Variants in TM9SF4 observed in about 807,000 individuals in gnomAD.
TM9SF4 encodes transmembrane 9 superfamily member 4, also known as dinucleotide oxidase disulfide thiol exchanger 3 superfamily member 4.
In TM9SF4, 26 loss-of-function variants were observed where a neutral mutation model predicts 90.4. That is an observed-to-expected ratio of 0.29 (90% CI 0.21 to 0.40). The LOEUF is 0.40. TM9SF4 is among the 10% of genes least tolerant of loss of function. The pLI, the probability that TM9SF4 is intolerant of heterozygous loss-of-function variation, is 1.00. For synonymous variants in TM9SF4, 293 were observed against 315.4 expected (o/e 0.93, Z 0.75); for missense variants, 549 against 834.8 (o/e 0.66, Z 4.22).
chr20:32,123,845 C>CATATATATATATATATATATATATAT (rs778502518), intron 1 of TM9SF4, among the ~76,000 whole-genome samples: 6 of 108,730 alleles, frequency 5.5e-5, no homozygotes, highest in African/African-American at 1.9e-4. Flanking sequence ...TTCTCTCTCT[C>CATATATATATATATATATATATATAT]ATATATATAT....
chr20:32,121,636 C>T (rs990593217), intron 1 of TM9SF4, among the ~76,000 whole-genome samples: 3 of 152,278 alleles, frequency 2.0e-5, no homozygotes, highest in African/African-American at 4.8e-5. Context: ...TCCGATTTCT[C>T]GATCCCTTCC....
intron 12 of TM9SF4, among the ~76,000 whole-genome samples, chr20:32,152,796 C>T (rs868420430): frequency 3.3e-5 from 5 of 152,368 alleles, no homozygotes; most frequent in African/African-American, 1.2e-4. Context: ...CCGCCTCCCC[C>T]ACCTCCTACC....
chr20:32,137,730 T>C (rs2046614602), intron 3 of TM9SF4, among the ~76,000 whole-genome samples: 1 of 152,192 alleles, frequency 6.6e-6, no homozygotes, highest in African/African-American at 2.4e-5. Context: ...ATCATCCTCA[T>C]CATCATCATT....
intron 1 of TM9SF4, among the ~76,000 whole-genome samples, chr20:32,110,987 C>T (rs1039390633): frequency 6.6e-6 from 1 of 152,236 alleles, no homozygotes; most frequent in Non-Finnish European, 1.5e-5. Flanking sequence ...AAGGAAATGA[C>T]ATTTGACTTT....
At chr20:32,126,101 A>ACACACACG in intron 1 of TM9SF4, among the ~76,000 whole-genome samples, 1 of 145,130 alleles carries the variant, frequency 6.9e-6, no homozygotes, top group South Asian at 2.1e-4. Flanking sequence ...ACACACACAC[A>ACACACACG]CACACAGTAG....
At chr20:32,112,939 A>G (rs1181707081) in intron 1 of TM9SF4, among the ~76,000 whole-genome samples, 4 of 152,314 alleles carry the variant, frequency 2.6e-5, no homozygotes, top group African/African-American at 9.6e-5. Context: ...GGGGTATGTG[A>G]TGAAGGGGCA....
At chr20:32,146,652 C>T in intron 8 of TM9SF4, 133 bp from the exon 9 acceptor site, 2 of 753,802 alleles carry the variant, frequency 2.7e-6, no homozygotes, top group Non-Finnish European at 4.3e-6. Context: ...GAGGTGGCTG[C>T]ATAGCCAGTT....
At chr20:32,157,730 C>G (rs777684929) in intron 13 of TM9SF4, 64 bp from the exon 14 acceptor site, 1 of 1,584,524 alleles carries the variant, frequency 6.3e-7, no homozygotes, top group South Asian at 1.2e-5. Flanking sequence ...GTCCCCTCCC[C>G]CTTGCGCAGC....
intron 1 of TM9SF4, among the ~76,000 whole-genome samples, chr20:32,123,678 T>C (rs556264777): frequency 1.3e-5 from 2 of 151,040 alleles, no homozygotes; most frequent in African/African-American, 4.8e-5. Context: ...TCTTTATACC[T>C]TCTGGATTTT....
Position 32,141,909 on chromosome 20 carries a change from G to A in TM9SF4, c.528+14G>A. The A allele has an allele frequency of 6.2e-7, 1 of 1,613,886 alleles. No individual in the cohort carries two copies. The highest frequency in any genetic ancestry group is 1.1e-5 in the South Asian group (1 of 91,016). On this transcript the variant is annotated intron_variant, in intron 5 of 17. Coordinates refer to ENST00000398022, the MANE Select transcript of TM9SF4 (RefSeq NM_014742.4). ...GATGTCAACAAGGTAGAGTGTCTTT[G>A]GCGTGCTCACAGGACCGGGAGCCAC...
intron 1 of TM9SF4, among the ~76,000 whole-genome samples, chr20:32,121,733 G>A (rs1281583777): frequency 6.6e-6 from 1 of 152,152 alleles, no homozygotes; most frequent in Non-Finnish European, 1.5e-5. Flanking sequence ...CTCCCAGACG[G>A]GGTGGTGGCC....
At chr20:32,121,212 T>TC (rs2046301337) in intron 1 of TM9SF4, among the ~76,000 whole-genome samples, 1 of 151,156 alleles carries the variant, frequency 6.6e-6, no homozygotes, top group African/African-American at 2.4e-5. Context: ...TATTTTTCTT[T>TC]TTTTTTTTTA....
chr20:32,126,945 G>T (rs2046431781), intron 1 of TM9SF4, among the ~76,000 whole-genome samples: 1 of 152,066 alleles, frequency 6.6e-6, no homozygotes, highest in Non-Finnish European at 1.5e-5. Flanking sequence ...TGTTAGCCAG[G>T]CTGGTCTCAA....
intron 1 of TM9SF4, among the ~76,000 whole-genome samples, chr20:32,131,632 C>T (rs939916554): frequency 1.3e-5 from 2 of 152,054 alleles, no homozygotes; most frequent in African/African-American, 4.8e-5. Context: ...ATCTGAAATG[C>T]AACAGCAGTG....
intron 13 of TM9SF4, among the ~76,000 whole-genome samples, chr20:32,155,429 A>G (rs534110115): frequency 6.6e-6 from 1 of 152,252 alleles, no homozygotes; most frequent in African/African-American, 2.4e-5. Context: ...CCACTTCTCT[A>G]AAGGGAGGTT....
chr20:32,128,790 C>CTCTGTGTGTGTGTGTGTGTG (rs1197884034), intron 1 of TM9SF4, among the ~76,000 whole-genome samples: 1 of 145,268 alleles, frequency 6.9e-6, no homozygotes, highest in African/African-American at 2.6e-5. Flanking sequence ...GTATTCCATT[C>CTCTGTGTGTGTGTGTGTGTG]TGTGTGTGTG....
chr20:32,165,528 T>C lies in TM9SF4; in HGVS notation c.*84T>C. On this transcript the variant is annotated 3_prime_UTR_variant, in exon 18 of 18. Transcript: ENST00000398022. ...GGGACTGCAGGCACGCAAAATAAAATAACTCCTGCTCGTTTGGAATGTAAC... is the reference window on the plus strand; with the variant it reads ...GGGACTGCAGGCACGCAAAATAAAACAACTCCTGCTCGTTTGGAATGTAAC... 2.0e-6 allele frequency: 3 copies of C among 1,505,092 alleles called. No individual in the cohort carries two copies. Among genetic ancestry groups the C allele is most frequent in the Non-Finnish European group, 2.7e-6 (3 of 1,093,818 alleles). 93.2% of individuals were successfully genotyped at this position (1,505,092 alleles called of 1,614,324 possible). A position where few individuals can be genotyped will look rare whatever the true frequency, so the allele number is the denominator to read the frequency against.
In TM9SF4 at chr20:32,157,871, C is replaced by G; in HGVS notation, c.1407C>G (p.Tyr469Ter). Residue 469 changes from tyrosine to a stop codon, truncating the protein, a stop_gained, in exon 14 of 18, where the codon TAC becomes TAG. Transcript: ENST00000398022. LOFTEE classifies it high-confidence loss of function. ...ISLPLVYLGY[Y>*]FGFRKQPYDN... Reference sequence around the variant, plus strand: ...TGCCCCTCGTCTACTTGGGCTACTACTTCGGCTTCCGAAAGCAGCCATATG... The same window carrying G: ...TGCCCCTCGTCTACTTGGGCTACTAGTTCGGCTTCCGAAAGCAGCCATATG... The G allele has an allele frequency of 6.2e-7, 1 of 1,614,174 alleles. No individual in the cohort carries two copies. Among genetic ancestry groups the G allele is most frequent in the Non-Finnish European group, 8.5e-7 (1 of 1,180,034 alleles).
chr20:32,116,615 G>C (rs1225151024), intron 1 of TM9SF4: 1 of 152,246 alleles, frequency 6.6e-6, no homozygotes, highest in Non-Finnish European at 1.5e-5. Flanking sequence ...TGAAATAAAG[G>C]CTACATTTTC....
Sources: allele counts gnomAD v4.1 joint callset (sites outside exome capture counted in the v4.1 genomes callset), GRCh38; gene constraint gnomAD v4.1.1; transcripts MANE v1.5; gene names NCBI Gene and HGNC (gene_info 2026-07-23, HGNC 2026-07-21).